MAP3K13: variants seen among roughly 807,000 people sequenced by gnomAD.
MAP3K13 encodes the protein leucine zipper-bearing kinase.
In MAP3K13, 52 loss-of-function variants were observed where a neutral mutation model predicts 104.0. The observed-to-expected ratio is 0.50, with a 90% CI of 0.40 to 0.63. The LOEUF is 0.63. Ranked by LOEUF, MAP3K13 falls within the 20% of genes least tolerant of loss-of-function variation. The probability of loss-of-function intolerance (pLI) is 0.00; values close to 1 mark genes in which losing one functional copy is unlikely to be tolerated. For synonymous variants in MAP3K13, 394 were observed against 442.2 expected (o/e 0.89, Z 1.37); for missense variants, 914 against 1,218.5 (o/e 0.75, Z 3.72).
At chr3:185,291,599 G>T (rs1443656142) in intron 2 of MAP3K13, 1 of 1,503,812 alleles carries the variant, frequency 6.6e-7, no homozygotes, top group Admixed American at 2.5e-5. Flanking sequence ...TTTGTGTTTT[G>T]TTTTGTTTTC....
At chr3:185,318,483 T>G (rs1026306324) in intron 2 of MAP3K13, among the ~76,000 whole-genome samples, 3 of 152,254 alleles carry the variant, frequency 2.0e-5, no homozygotes, top group Non-Finnish European at 4.4e-5. Context: ...AAGCAGTTAT[T>G]CATCCCTAGG....
At position 185,486,514 on chromosome 3, in the gene MAP3K13, G is replaced by A. The variant is rs1277951737; in HGVS notation, c.*4058G>A. On this transcript the variant is annotated 3_prime_UTR_variant, in exon 14 of 14. Transcript: ENST00000265026. ...AATTGATGTATGTTTCTTTGAGAAC[G>A]ACTCCACAGTCATCTGAAGAGTGTT... 3.3e-5 allele frequency: 5 copies of A among 152,170 alleles called. No homozygotes were observed. The highest frequency in any genetic ancestry group is 7.2e-5 in the African/African-American group (3 of 41,426). 9.4% of individuals were successfully genotyped at this position (152,170 alleles called of 1,614,324 possible). A position where few individuals can be genotyped will look rare whatever the true frequency, so the allele number is the denominator to read the frequency against.
chr3:185,343,519 C>A (rs1722797988), intron 2 of MAP3K13, among the ~76,000 whole-genome samples: 1 of 152,110 alleles, frequency 6.6e-6, no homozygotes, highest in Non-Finnish European at 1.5e-5. Flanking sequence ...GTGGTGTGAT[C>A]TTGGGTCACT....
intron 1 of MAP3K13, among the ~76,000 whole-genome samples, chr3:185,378,628 T>G (rs1577483825): frequency 6.6e-6 from 1 of 151,138 alleles, no homozygotes; most frequent in Non-Finnish European, 1.5e-5. Flanking sequence ...AGGGGAGAGG[T>G]CACATGAGTC....
At chr3:185,424,428 T>G (rs1166214408) in intron 1 of MAP3K13, among the ~76,000 whole-genome samples, 1 of 152,262 alleles carries the variant, frequency 6.6e-6, no homozygotes, top group East Asian at 1.9e-4. Context: ...ATTCCTGCTC[T>G]ATTACTTACT....
At chr3:185,434,772 A>G (rs528764925) in intron 2 of MAP3K13, among the ~76,000 whole-genome samples, 3 of 152,258 alleles carry the variant, frequency 2.0e-5, no homozygotes, top group African/African-American at 7.2e-5. Flanking sequence ...TCCAATGTTT[A>G]ACAGTAACTA....
At chr3:185,395,605 G>A (rs1577505199) in intron 1 of MAP3K13, among the ~76,000 whole-genome samples, 2 of 151,038 alleles carry the variant, frequency 1.3e-5, no homozygotes, top group African/African-American at 4.9e-5. Flanking sequence ...TGATCCGCCC[G>A]CCTCGGCCTC....
chr3:185,482,334 G>A lies in MAP3K13; in HGVS notation c.2800-21G>A, dbSNP rs1164759282. 3.9e-6 allele frequency: 6 copies of A among 1,538,756 alleles called. No homozygotes were observed. Among genetic ancestry groups the A allele is most frequent in the East Asian group, 2.2e-5 (1 of 44,524 alleles). ...CTGAGTGATTATCGAAATGAATTAA[G>A]GTTTTGTCTTGCCTTTGCAGAACCC... On this transcript the variant is annotated intron_variant, in intron 13 of 13. Transcript: ENST00000265026. This position sits in a 1 kb window ranked among gnomAD's most constrained non-coding sequence, Gnocchi z 4.5.
chr3:185,465,330 G>T (rs1399147642), intron 8 of MAP3K13, among the ~76,000 whole-genome samples: 1 of 151,852 alleles, frequency 6.6e-6, no homozygotes, highest in Non-Finnish European at 1.5e-5. Flanking sequence ...ATATAAATCT[G>T]GGGGGCACAA....
chr3:185,320,868 G>A (rs1439659375), intron 2 of MAP3K13, among the ~76,000 whole-genome samples: 1 of 152,062 alleles, frequency 6.6e-6, no homozygotes, highest in East Asian at 1.9e-4. Flanking sequence ...CATTTTACTG[G>A]TATACTGTGT....
chr3:185,340,335 T>C (rs940739093), intron 2 of MAP3K13, among the ~76,000 whole-genome samples: 5 of 152,060 alleles, frequency 3.3e-5, no homozygotes, highest in Non-Finnish European at 5.9e-5. Flanking sequence ...CAGGGCACTG[T>C]AGGGAGAAGA....
chr3:185,439,594 C>T (rs948998851), intron 3 of MAP3K13, among the ~76,000 whole-genome samples: 1 of 152,082 alleles, frequency 6.6e-6, no homozygotes, highest in Non-Finnish European at 1.5e-5. Context: ...TGAGTATGGC[C>T]TTTTGGCCTC....
intron 1 of MAP3K13, among the ~76,000 whole-genome samples, chr3:185,377,875 C>T (rs550070787): frequency 4.5e-4 from 69 of 152,318 alleles, no homozygotes; most frequent in Non-Finnish European, 7.9e-4. Context: ...GAGTGGCTGC[C>T]GGGCGAGTTG....
chr3:185,401,900 C>A (rs576833155), intron 1 of MAP3K13, among the ~76,000 whole-genome samples: 2 of 152,242 alleles, frequency 1.3e-5, no homozygotes, highest in South Asian at 4.2e-4. Context: ...TATGGAGCGA[C>A]CTCTTACCTG....
chr3:185,473,913 A>T lies in MAP3K13; in HGVS notation c.2430+152A>T, dbSNP rs1577621962. On this transcript the variant is annotated intron_variant, in intron 11 of 13. Transcript: ENST00000265026. This position sits in a 1 kb window ranked among gnomAD's most constrained non-coding sequence, Gnocchi z 4.9. ...CATAAATAGAAATTTATTTTACTTT[A>T]AATTCGTTCTTTCCACACTGTTTAA... The T allele has an allele frequency of 2.1e-6, 2 of 944,528 alleles. No homozygotes were observed. The highest frequency in any genetic ancestry group is 5.3e-5 in the East Asian group (2 of 37,772). 58.5% of individuals were successfully genotyped at this position (944,528 alleles called of 1,614,324 possible).
chr3:185,460,235 C>T (rs28625739), intron 7 of MAP3K13, among the ~76,000 whole-genome samples: 263 of 152,272 alleles, frequency 1.7e-3, no homozygotes, highest in African/African-American at 5.8e-3. Flanking sequence ...CATCAGAACA[C>T]GTTTCTTTTC....
chr3:185,415,952 C>A (rs777325443), intron 1 of MAP3K13, among the ~76,000 whole-genome samples: 4 of 152,080 alleles, frequency 2.6e-5, no homozygotes, highest in South Asian at 4.1e-4. Context: ...CCATGTAGAA[C>A]CTTCCTTTTT....
intron 1 of MAP3K13, among the ~76,000 whole-genome samples, chr3:185,373,627 G>A (rs1262714157): frequency 2.0e-5 from 3 of 152,172 alleles, no homozygotes; most frequent in African/African-American, 7.2e-5. Context: ...GGGTGACAGA[G>A]AGAGCCTCCA....
chr3:185,473,483 G>C lies in MAP3K13; in HGVS notation c.2152G>C (p.Ala718Pro), dbSNP rs1479285526. 6.2e-7 allele frequency: 1 copy of C among 1,614,126 alleles called. No homozygotes were observed. The highest frequency in any genetic ancestry group is 8.5e-7 in the Non-Finnish European group (1 of 1,180,054). ...WRSSEPDKGQAGPWGCCQADA... is the reference protein window; with the variant it reads ...WRSSEPDKGQPGPWGCCQADA... ...AAGTTCTGAGCCTGACAAGGGCCAA[G>C]CTGGTCCCTGGGGCTGTTGCCAGGC... is the stretch of plus-strand genomic sequence containing the variant. The change falls in exon 11 of 14, where the codon GCT becomes CCT. Residue 718 changes from alanine (A) to proline (P), a missense_variant. Ala to Pro is a conservative substitution (Grantham distance 27, BLOSUM62 -1). This residue lies in a region of MAP3K13 where 583 missense variants were observed against 737.4 expected (regional missense o/e 0.79). Transcript: ENST00000265026. This position sits in a 1 kb window ranked among gnomAD's most constrained non-coding sequence, Gnocchi z 4.9.
Sources: gnomAD v4.1 joint callset for allele counts (sites outside exome capture counted in the v4.1 genomes callset) on GRCh38, gnomAD v4.1.1 for gene constraint, gnomAD v4.1.1 regional missense constraint, Gnocchi (gnomAD v3.1) non-coding constraint, MANE v1.5 for transcripts, NCBI Gene and HGNC (gene_info 2026-07-23, HGNC 2026-07-21) for gene names.